Variants in EGF observed in about 807,000 individuals in gnomAD.
EGF encodes the protein epidermal growth factor.
A neutral mutation model predicts 143.8 loss-of-function variants in EGF; 95 were observed. That is an observed-to-expected ratio of 0.66 (90% CI 0.56 to 0.78). The LOEUF (loss-of-function observed/expected upper bound fraction) is 0.78. EGF is among the 30% of genes least tolerant of loss of function. The pLI is 0.00. For missense variants in EGF, 1,320 were observed against 1,470.9 expected, an observed-to-expected ratio of 0.90 and a Z score of 1.68; for synonymous variants, 510 against 510.5, an observed-to-expected ratio of 1.00 and a Z score of 0.01.
intron 5 of EGF, among the ~76,000 whole-genome samples, chr4:109,947,947 G>C (rs935318692): frequency 6.6e-6 from 1 of 152,174 alleles, no homozygotes; most frequent in African/African-American, 2.4e-5. Flanking sequence ...GCTAGTTAAT[G>C]ATGAATGTGG....
rs1358371873 is a variant in EGF at position 110,011,294 on chromosome 4, G to A, written c.3463G>A (p.Gly1155Ser). 1.2e-6 allele frequency: 2 copies of A among 1,614,156 alleles called. No individual in the cohort carries two copies. The highest frequency in any genetic ancestry group is 8.5e-7 in the Non-Finnish European group (1 of 1,180,018). Residue 1155 changes from glycine to serine, a missense_variant, in exon 24 of 24, where the codon GGC (glycine) becomes AGC (serine). Around this residue, in one of 5 missense-constraint regions of EGF, gnomAD observed 1,186 missense variants for 1,313.7 expected, o/e 0.90. Transcript: ENST00000265171. ...GCWIPVSSDK[G>S]SCPQVMERSF... ...CTGGATTCCAGTATCCAGTGATAAG[G>A]GCTCCTGTCCCCAGGTAATGGAGCG...
chr4:109,940,752 G>A, intron 1 of EGF, 194 bp from the exon 2 acceptor site: 1 of 595,050 alleles, frequency 1.7e-6, no homozygotes, highest in African/African-American at 1.9e-5. Flanking sequence ...ATCAGTTTGT[G>A]GAGAAGACAA....
chr4:109,997,107 A>T (rs890588259), intron 20 of EGF, among the ~76,000 whole-genome samples: 3 of 152,078 alleles, frequency 2.0e-5, no homozygotes, highest in African/African-American at 7.2e-5. Flanking sequence ...AGGGGAAGCC[A>T]GTGAGCCAGG....
At chr4:109,960,727 G>A in intron 6 of EGF, 140 bp from the exon 7 acceptor site, 1 of 887,718 alleles carries the variant, frequency 1.1e-6, no homozygotes, top group Non-Finnish European at 1.8e-6. Flanking sequence ...CTTTGCTAGA[G>A]TATGGAAAAC....
chr4:110,006,407 G>A (rs6533485), intron 22 of EGF, among the ~76,000 whole-genome samples: 1 of 151,932 alleles, frequency 6.6e-6, no homozygotes, highest in South Asian at 2.1e-4. Flanking sequence ...ATCTAATCTT[G>A]AGCAATTCCT....
At position 109,979,997 on chromosome 4, in the gene EGF, T is replaced by C. The variant is rs757127784; in HGVS notation, c.2079T>C (p.Phe693=). 2 of 1,614,072 alleles carry C rather than the reference T, an allele frequency of 1.2e-6. No homozygotes were observed. The highest frequency in any genetic ancestry group is 3.3e-5 in the Admixed American group (2 of 59,998). The change falls in exon 14 of 24, where the codon TTT becomes TTC. Residue 693 remains phenylalanine (F), a synonymous_variant. Coordinates refer to ENST00000265171, the MANE Select transcript of EGF (RefSeq NM_001963.6). ...DVGHPFAVAV[F]EDYVWFSDWA... ...GTCACCCATTTGCTGTAGCAGTGTT[T>C]GAGGATTATGTGTGGTTCTCAGATT...
At chr4:109,980,545 A>G in intron 14 of EGF, 1 of 502,212 alleles carries the variant, frequency 2.0e-6, no homozygotes, top group East Asian at 3.7e-5. Flanking sequence ...TGACTAGATG[A>G]TGAGTCAGGA....
At position 109,969,032 on chromosome 4, in the gene EGF, G is replaced by A. The variant is rs1171149347; in HGVS notation, c.1637G>A (p.Arg546Gln). 19 of 1,614,172 alleles carry A rather than the reference G, an allele frequency of 1.2e-5. No homozygotes were observed. The highest frequency in any genetic ancestry group is 1.4e-5 in the Non-Finnish European group (17 of 1,180,016). ...AGAGCTAATATGGATGGTTCCCAGC[G>A]AGAAAGGCTTATTGAGGAAGGAGTA... ...IERANMDGSQ[R>Q]ERLIEEGVDV... The change falls in exon 11 of 24, where the codon CGA becomes CAA. Residue 546 changes from arginine to glutamine, a missense_variant. By Grantham distance (43) the Arg-to-Gln change is conservative. Coordinates refer to ENST00000265171, the MANE Select transcript of EGF (RefSeq NM_001963.6).
chr4:109,975,866 C>T (rs1748412279), intron 12 of EGF, 146 bp from the exon 13 acceptor site: 5 of 878,142 alleles, frequency 5.7e-6, no homozygotes, highest in Non-Finnish European at 9.1e-6. Context: ...ATTTGCCGAA[C>T]ATACAGCGCT....
chr4:109,997,667 G>T (rs143200762), intron 20 of EGF, among the ~76,000 whole-genome samples: 1 of 152,178 alleles, frequency 6.6e-6, no homozygotes, highest in South Asian at 2.1e-4. Flanking sequence ...AGCCAGGATG[G>T]TCTCCATCTC....
intron 18 of EGF, among the ~76,000 whole-genome samples, chr4:109,990,894 G>A (rs1006818278): frequency 5.9e-5 from 9 of 152,160 alleles, no homozygotes; most frequent in African/African-American, 2.2e-4. Context: ...CCACCCTTAT[G>A]ACCCCATGTA....
intron 5 of EGF, among the ~76,000 whole-genome samples, chr4:109,951,326 G>A (rs1230834194): frequency 6.6e-6 from 1 of 151,956 alleles, no homozygotes; most frequent in Non-Finnish European, 1.5e-5. Context: ...CCACTGCACT[G>A]TAGTCTGGGC....
At chr4:109,916,452 T>C (rs114644571) in intron 1 of EGF, among the ~76,000 whole-genome samples, 236 of 152,142 alleles carry the variant, frequency 1.6e-3, no homozygotes, top group African/African-American at 5.5e-3. Flanking sequence ...TTGTCTCATT[T>C]TCCTTACCCT....
At chr4:109,959,772 C>T (rs1745393863) in intron 6 of EGF, among the ~76,000 whole-genome samples, 1 of 151,950 alleles carries the variant, frequency 6.6e-6, no homozygotes, top group East Asian at 1.9e-4. Flanking sequence ...AGTATGTGTA[C>T]ATTTTTAGGG....
rs569948531 is a variant in EGF at position 109,945,995 on chromosome 4, ATTGT to A, written c.940+724_940+727del. On this transcript the variant is annotated intron_variant, in intron 5 of 23. Transcript: ENST00000265171. The stretch of plus-strand genomic sequence containing the variant: ...GCTTTTCTGCATCTCTTTCTTTTTA[ATTGT>A]TTGAAGCTCAACAATCCTTCCCATT... Among the ~76,000 whole-genome samples the A allele has an allele frequency of 1.7e-4, 26 of 152,222 alleles. No homozygotes were observed. The East Asian group carries it at 4.8e-3, about 28-fold the overall frequency.
intron 5 of EGF, 38 bp from the exon 6 acceptor site, chr4:109,959,274 A>G (rs765024945): frequency 2.5e-6 from 4 of 1,613,248 alleles, no homozygotes; most frequent in Non-Finnish European, 3.4e-6. Flanking sequence ...CTCTGTCAAA[A>G]CACGGCCCCA....
chr4:109,953,803 A>G (rs1035798165), intron 5 of EGF, among the ~76,000 whole-genome samples: 1 of 152,136 alleles, frequency 6.6e-6, no homozygotes. Context: ...AGAACACTGG[A>G]CTCACGCAGC....
chr4:109,992,818 G>A (rs201188877), intron 18 of EGF, among the ~76,000 whole-genome samples: 9 of 151,618 alleles, frequency 5.9e-5, no homozygotes, highest in African/African-American at 2.2e-4. Flanking sequence ...GAAGCTGGAA[G>A]CCATCATTCT....
intron 1 of EGF, among the ~76,000 whole-genome samples, chr4:109,931,651 C>CA (rs1202671926): frequency 3.3e-5 from 5 of 151,094 alleles, no homozygotes; most frequent in Admixed American, 6.6e-5. Flanking sequence ...AGTGCCTGGT[C>CA]AAAAAAAAGA....
Sources: gnomAD v4.1 joint callset for allele counts (sites outside exome capture counted in the v4.1 genomes callset) on GRCh38, gnomAD v4.1.1 for gene constraint, gnomAD v4.1.1 regional missense constraint, MANE v1.5 for transcripts, NCBI Gene and HGNC (gene_info 2026-07-23, HGNC 2026-07-21) for gene names.